Variants in TPMT observed in about 807,000 individuals in gnomAD.
TPMT encodes thiopurine S-methyltransferase, also known as S-adenosyl-L-methionine:thiopurine S-methyltransferase.
A neutral mutation model predicts 34.2 loss-of-function variants in TPMT; 18 were observed. The observed-to-expected ratio is 0.53, with a 90% CI of 0.36 to 0.78. TPMT has a LOEUF of 0.78. Among genes scored for constraint, TPMT ranks in the 30% least tolerant of loss-of-function variants. TPMT has a pLI of 0.00. For synonymous variants in TPMT, 69 were observed against 92.4 expected, an observed-to-expected ratio of 0.75 and a Z score of 1.45; for missense variants, 265 against 288.1, an observed-to-expected ratio of 0.92 and a Z score of 0.58.
chr6:18,151,316 A>G (rs561563838), intron 1 of TPMT, among the ~76,000 whole-genome samples: 1 of 151,580 alleles, frequency 6.6e-6, no homozygotes, highest in East Asian at 1.9e-4. Flanking sequence ...AGCAGTTTTA[A>G]AATTGGCCAG....
At position 18,132,118 on chromosome 6, in the gene TPMT, A is replaced by G. The variant is rs747311605; in HGVS notation, c.625+15T>C. ...ACTTTGTTTAAAAAGTTACAGCATA[A>G]GTCCACAAACTTACCAAACAACCTT... is the stretch of plus-strand genomic sequence containing the variant. On this transcript the variant is annotated intron_variant, in intron 8 of 8. Coordinates refer to ENST00000309983, the MANE Select transcript of TPMT (RefSeq NM_000367.5). This position sits in a 1 kb window ranked among gnomAD's most constrained non-coding sequence, Gnocchi z 4.8. The G allele has an allele frequency of 6.2e-7, 1 of 1,613,974 alleles. No homozygotes were observed. The highest frequency in any genetic ancestry group is 1.1e-5 in the South Asian group (1 of 91,082).
chr6:18,131,993 T>G lies in TPMT; in HGVS notation c.625+140A>C. 2 of 807,502 alleles carry G rather than the reference T, an allele frequency of 2.5e-6. No individual in the cohort carries two copies. Among genetic ancestry groups the G allele is most frequent in the Non-Finnish European group, 4.2e-6 (2 of 477,672 alleles). 50.0% of individuals were successfully genotyped at this position (807,502 alleles called of 1,614,324 possible). ...GGTTTCGCCATGTTGGCCAGGCTGG[T>G]CTCGAACTCCTGGCCTCAGGTGATC... On this transcript the variant is annotated intron_variant, in intron 8 of 8. Transcript: ENST00000309983. This position sits in a 1 kb window ranked among gnomAD's most constrained non-coding sequence, Gnocchi z 4.3.
chr6:18,130,474 T>C lies in TPMT; in HGVS notation c.*194A>G. ...CTCTCCAAAGGAGCTACTTTAAAAG[T>C]TTAGTTACATCTTTTTCTTCTAAAA... On this transcript the variant is annotated 3_prime_UTR_variant, in exon 9 of 9. Transcript: ENST00000309983. This position sits in a 1 kb window ranked among gnomAD's most constrained non-coding sequence, Gnocchi z 4.2. 1 of 540,276 alleles carries C rather than the reference T, an allele frequency of 1.9e-6. No individual in the cohort carries two copies. The highest frequency in any genetic ancestry group is 3.3e-6 in the Non-Finnish European group (1 of 300,364). 33.5% of individuals were successfully genotyped at this position (540,276 alleles called of 1,614,324 possible).
chr6:18,154,644 G>A lies in TPMT; in HGVS notation c.-45+389C>T. 6.6e-6 allele frequency among the ~76,000 whole-genome samples: 1 copy of A among 152,092 alleles called. No homozygotes were observed. The highest frequency in any genetic ancestry group is 1.9e-4 in the East Asian group (1 of 5,178). The stretch of plus-strand genomic sequence containing the variant: ...AAAAATTAGCCAAGCGTGGTGCAGC[G>A]AGCCTGTAGTCCCAGTTACCGAGGA... On this transcript the variant is annotated intron_variant, in intron 1 of 8. Coordinates refer to ENST00000309983, the MANE Select transcript of TPMT (RefSeq NM_000367.5). The surrounding 1 kb of genome is among the most constrained non-coding windows in gnomAD (Gnocchi z 4.2).
Position 18,139,595 on chromosome 6 carries a change from C to CCACT in TPMT, c.419+66_419+69dup, listed in dbSNP as rs1360098907. On this transcript the variant is annotated intron_variant, in intron 5 of 8. Transcript: ENST00000309983. This position sits in a 1 kb window ranked among gnomAD's most constrained non-coding sequence, Gnocchi z 4.2. Reference sequence around the variant, plus strand: ...GAGGAAGAGAGTGAGGAAGACACCTCCACTCCCATGCCTGCACTGCCTGGC... The same window carrying CCACT: ...GAGGAAGAGAGTGAGGAAGACACCTCCACTCACTCCCATGCCTGCACTGCCTGGC... The CCACT allele has an allele frequency of 8.0e-7, 1 of 1,242,648 alleles. No homozygotes were observed. Among genetic ancestry groups the CCACT allele is most frequent in the Admixed American group, 1.7e-5 (1 of 58,460 alleles). 77.0% of individuals were successfully genotyped at this position (1,242,648 alleles called of 1,614,324 possible). A position where few individuals can be genotyped will look rare whatever the true frequency, so the allele number is the denominator to read the frequency against.
In TPMT at chr6:18,132,791, T is replaced by C. The variant is rs1273642381; in HGVS notation, c.581-614A>G. 1.3e-5 allele frequency among the ~76,000 whole-genome samples: 2 copies of C among 151,938 alleles called. No homozygotes were observed. The highest frequency in any genetic ancestry group is 2.4e-5 in the African/African-American group (1 of 41,396). On this transcript the variant is annotated intron_variant, in intron 7 of 8. Transcript: ENST00000309983. The surrounding 1 kb of genome is among the most constrained non-coding windows in gnomAD (Gnocchi z 4.8). ...AATGAGTTTTTAAGACCCCAATTTA[T>C]TCAAGCAGAAACAAAATACTAGCTG...
chr6:18,149,142 C>A lies in TPMT; in HGVS notation c.-15G>T, dbSNP rs1784303950. The A allele has an allele frequency of 6.2e-7, 1 of 1,613,938 alleles. No individual in the cohort carries two copies. The highest frequency in any genetic ancestry group is 1.3e-5 in the African/African-American group (1 of 75,036). ...GTACCATCCATAGTTTCAGAGACAC[C>A]TTTGTCTCACAAGCATATGTCTTCC... On this transcript the variant is annotated 5_prime_UTR_variant, in exon 2 of 9. The change creates a new upstream start codon in the 5' untranslated region. Coordinates refer to ENST00000309983, the MANE Select transcript of TPMT (RefSeq NM_000367.5). This position sits in a 1 kb window ranked among gnomAD's most constrained non-coding sequence, Gnocchi z 5.0.
rs990830793 is a variant in TPMT, at chr6:18,135,632, G to C, written c.495-1743C>G. On this transcript the variant is annotated intron_variant, in intron 6 of 8. Transcript: ENST00000309983. The surrounding 1 kb of genome is among the most constrained non-coding windows in gnomAD (Gnocchi z 5.0). ...TACATCTGTAATCCCAGCACTTTGGGAGGCCGAGGTGGGCAGATCACCTGA... is the reference window on the plus strand; with the variant it reads ...TACATCTGTAATCCCAGCACTTTGGCAGGCCGAGGTGGGCAGATCACCTGA... 8.5e-5 allele frequency among the ~76,000 whole-genome samples: 13 copies of C among 152,148 alleles called. No homozygotes were observed. The highest frequency in any genetic ancestry group is 4.4e-5 in the Non-Finnish European group (3 of 68,030).
chr6:18,148,108 C>T lies in TPMT; in HGVS notation c.141-193G>A, dbSNP rs1302589361. ...CAGTCAGTGGTAAATCTGACTTACA[C>T]CCAGGGCTTTCCTGATTAGTAATTA... On this transcript the variant is annotated intron_variant, in intron 2 of 8. Transcript: ENST00000309983. This position sits in a 1 kb window ranked among gnomAD's most constrained non-coding sequence, Gnocchi z 4.1. Among the ~76,000 whole-genome samples, 1 of 152,106 alleles carries T rather than the reference C, an allele frequency of 6.6e-6. No individual in the cohort carries two copies. Among genetic ancestry groups the T allele is most frequent in the African/African-American group, 2.4e-5 (1 of 41,420 alleles).
Position 18,143,486 on chromosome 6 carries a change from C to T in TPMT, c.366+110G>A, listed in dbSNP as rs549351527. On this transcript the variant is annotated intron_variant, in intron 4 of 8. Coordinates refer to ENST00000309983, the MANE Select transcript of TPMT (RefSeq NM_000367.5). The surrounding 1 kb of genome is among the most constrained non-coding windows in gnomAD (Gnocchi z 6.1). ...CTATATAGTATCTACAGTGAATCTG[C>T]GTGCTAAATAGGAACCATCGGACAC... 14 of 1,395,506 alleles carry T rather than the reference C, an allele frequency of 1.0e-5. No individual in the cohort carries two copies. The highest frequency in any genetic ancestry group is 3.5e-5 in the South Asian group (3 of 84,876). 86.4% of individuals were successfully genotyped at this position (1,395,506 alleles called of 1,614,324 possible).
Position 18,153,921 on chromosome 6 carries a change from TGTCTTA to T in TPMT, c.-45+1106_-45+1111del, listed in dbSNP as rs1396481746. ...CAAAATCATGCACATAACTTAATCA[TGTCTTA>T]GTTGTTTGTTTTTGAGACAGGGTCT... On this transcript the variant is annotated intron_variant, in intron 1 of 8. Transcript: ENST00000309983. The surrounding 1 kb of genome is among the most constrained non-coding windows in gnomAD (Gnocchi z 4.2). Among the ~76,000 whole-genome samples the T allele has an allele frequency of 3.9e-5, 6 of 152,198 alleles. No individual in the cohort carries two copies. The highest frequency in any genetic ancestry group is 1.3e-4 in the Admixed American group (2 of 15,284).
Position 18,153,323 on chromosome 6 carries a change from G to A in TPMT, c.-45+1710C>T, listed in dbSNP as rs1213056832. Reference sequence around the variant, plus strand: ...ACCATAACTGCAGATCCATCTGAATGTATGAGGAAAATGCCTTTCCTTTCA... The same window carrying A: ...ACCATAACTGCAGATCCATCTGAATATATGAGGAAAATGCCTTTCCTTTCA... On this transcript the variant is annotated intron_variant, in intron 1 of 8. Coordinates refer to ENST00000309983, the MANE Select transcript of TPMT (RefSeq NM_000367.5). The surrounding 1 kb of genome is among the most constrained non-coding windows in gnomAD (Gnocchi z 4.2). 1.3e-5 allele frequency among the ~76,000 whole-genome samples: 2 copies of A among 152,200 alleles called. No individual in the cohort carries two copies. Among genetic ancestry groups the A allele is most frequent in the Non-Finnish European group, 2.9e-5 (2 of 68,032 alleles).
At position 18,132,525 on chromosome 6, in the gene TPMT, C is replaced by T. The variant is rs1455149020; in HGVS notation, c.581-348G>A. 6.6e-6 allele frequency among the ~76,000 whole-genome samples: 1 copy of T among 152,102 alleles called. No individual in the cohort carries two copies. The highest frequency in any genetic ancestry group is 2.4e-5 in the African/African-American group (1 of 41,428). On this transcript the variant is annotated intron_variant, in intron 7 of 8. Transcript: ENST00000309983. The surrounding 1 kb of genome is among the most constrained non-coding windows in gnomAD (Gnocchi z 4.8). The stretch of plus-strand genomic sequence containing the variant: ...TCACCCACATTTTATACACCCCTCC[C>T]GCTCTGCTGCAGGATATAGAGTATA...
rs1354226193 is a variant in TPMT at position 18,149,227 on chromosome 6, G to A, written c.-44-56C>T. ...TTAAGGTCATTGGAATTCTATTGAT[G>A]AACTAAATGAAAACCTATTATTCTT... On this transcript the variant is annotated intron_variant, in intron 1 of 8. Coordinates refer to ENST00000309983, the MANE Select transcript of TPMT (RefSeq NM_000367.5). This position sits in a 1 kb window ranked among gnomAD's most constrained non-coding sequence, Gnocchi z 5.0. 2.4e-5 allele frequency: 34 copies of A among 1,399,748 alleles called. No individual in the cohort carries two copies. Among genetic ancestry groups the A allele is most frequent in the Non-Finnish European group, 2.7e-5 (27 of 991,974 alleles). The allele number at this position is 1,399,748 out of a possible 1,614,324, so 86.7% of individuals were successfully genotyped here.
Position 18,140,278 on chromosome 6 carries a change from G to A in TPMT, c.367-561C>T, listed in dbSNP as rs1208508430. 6.6e-6 allele frequency among the ~76,000 whole-genome samples: 1 copy of A among 152,178 alleles called. No individual in the cohort carries two copies. The highest frequency in any genetic ancestry group is 6.5e-5 in the Admixed American group (1 of 15,268). On this transcript the variant is annotated intron_variant, in intron 4 of 8. Transcript: ENST00000309983. The surrounding 1 kb of genome is among the most constrained non-coding windows in gnomAD (Gnocchi z 4.7). ...GACAGACTAGAGCAGAGAAGCGTGGGCACAGAGAACATTACAATCCAGAAT... is the reference window on the plus strand; with the variant it reads ...GACAGACTAGAGCAGAGAAGCGTGGACACAGAGAACATTACAATCCAGAAT...
rs1784185235 is a variant in TPMT at position 18,143,478 on chromosome 6, T to C, written c.366+118A>G. The C allele has an allele frequency of 5.3e-6, 7 of 1,332,176 alleles. No individual in the cohort carries two copies. Among genetic ancestry groups the C allele is most frequent in the Non-Finnish European group, 7.5e-6 (7 of 939,168 alleles). The allele number at this position is 1,332,176 out of a possible 1,614,324, so 82.5% of individuals were successfully genotyped here. ...TTCTTATACTATATAGTATCTACAG[T>C]GAATCTGCGTGCTAAATAGGAACCA... is the stretch of plus-strand genomic sequence containing the variant. On this transcript the variant is annotated intron_variant, in intron 4 of 8. Coordinates refer to ENST00000309983, the MANE Select transcript of TPMT (RefSeq NM_000367.5). The surrounding 1 kb of genome is among the most constrained non-coding windows in gnomAD (Gnocchi z 6.1).
In TPMT at chr6:18,154,649, T is replaced by C. The variant is rs1784442736; in HGVS notation, c.-45+384A>G. On this transcript the variant is annotated intron_variant, in intron 1 of 8. Coordinates refer to ENST00000309983, the MANE Select transcript of TPMT (RefSeq NM_000367.5). The surrounding 1 kb of genome is among the most constrained non-coding windows in gnomAD (Gnocchi z 4.2). ...TTAGCCAAGCGTGGTGCAGCGAGCCTGTAGTCCCAGTTACCGAGGAGGCTG... is the reference window on the plus strand; with the variant it reads ...TTAGCCAAGCGTGGTGCAGCGAGCCCGTAGTCCCAGTTACCGAGGAGGCTG... Among the ~76,000 whole-genome samples, 1 of 152,118 alleles carries C rather than the reference T, an allele frequency of 6.6e-6. No individual in the cohort carries two copies. Among genetic ancestry groups the C allele is most frequent in the African/African-American group, 2.4e-5 (1 of 41,430 alleles).
intron 6 of TPMT, among the ~76,000 whole-genome samples, chr6:18,134,861 GGC>G (rs770364676): frequency 6.6e-6 from 1 of 152,156 alleles, no homozygotes; most frequent in Admixed American, 6.6e-5. Flanking sequence ...GTGGTAGAGA[GGC>G]CATGAGAGAC....
rs565239274 is a variant in TPMT at position 18,139,743 on chromosome 6, T to A, written c.367-26A>T. The stretch of plus-strand genomic sequence containing the variant: ...CTGTAATGAAATAATGAAAAAAAAA[T>A]TTTTTTTTTTTACTTAGTAAGTACT... On this transcript the variant is annotated intron_variant, in intron 4 of 8. Transcript: ENST00000309983. The surrounding 1 kb of genome is among the most constrained non-coding windows in gnomAD (Gnocchi z 4.2). 99 of 880,214 alleles carry A rather than the reference T, an allele frequency of 1.1e-4. No homozygotes were observed. In the African/African-American group the frequency reaches 1.1e-3, roughly 10 times the overall value. 54.5% of individuals were successfully genotyped at this position (880,214 alleles called of 1,614,324 possible).
Sources: gnomAD v4.1 joint callset for allele counts (sites outside exome capture counted in the v4.1 genomes callset) on GRCh38, gnomAD v4.1.1 for gene constraint, Gnocchi (gnomAD v3.1) non-coding constraint, MANE v1.5 for transcripts, NCBI Gene and HGNC (gene_info 2026-07-23, HGNC 2026-07-21) for gene names.